DPP10: variants seen among roughly 807,000 people sequenced by gnomAD.
DPP10 encodes the protein inactive dipeptidyl peptidase 10.
Under a neutral mutation model 120.9 loss-of-function variants are expected in DPP10, and 33 were observed. That is an observed-to-expected ratio of 0.27 (90% CI 0.21 to 0.37). The LOEUF is 0.37. Among genes scored for constraint, DPP10 ranks in the 10% least tolerant of loss-of-function variants. DPP10 has a pLI of 1.00. For missense variants in DPP10, 816 were observed against 942.8 expected (o/e 0.87, Z 1.76); for synonymous variants, 337 against 326.1 (o/e 1.03, Z -0.36).
chr2:115,642,210 C>T (rs559477424), intron 5 of DPP10, among the ~76,000 whole-genome samples: 4 of 151,842 alleles, frequency 2.6e-5, no homozygotes, highest in South Asian at 2.1e-4. Flanking sequence ...CTTAAAACAC[C>T]GAGATGGTTA....
At chr2:114,635,738 G>A (rs1573849371) in intron 1 of DPP10, among the ~76,000 whole-genome samples, 1 of 151,912 alleles carries the variant, frequency 6.6e-6, no homozygotes, top group East Asian at 1.9e-4. Flanking sequence ...ACTTTTTATT[G>A]ATGTGAGTTA....
chr2:115,343,258 T>C (rs1236313130), intron 2 of DPP10, among the ~76,000 whole-genome samples: 1 of 152,184 alleles, frequency 6.6e-6, no homozygotes. Context: ...TATTCTAGTA[T>C]TTTATTATTT....
At chr2:115,015,213 A>G (rs923887956) in intron 1 of DPP10, among the ~76,000 whole-genome samples, 2 of 152,234 alleles carry the variant, frequency 1.3e-5, no homozygotes, top group Non-Finnish European at 2.9e-5. Flanking sequence ...AAATCAGTAA[A>G]CGTAACCCAT....
At chr2:114,543,191 T>C (rs1687087374) in intron 1 of DPP10, among the ~76,000 whole-genome samples, 1 of 152,242 alleles carries the variant, frequency 6.6e-6, no homozygotes, top group Admixed American at 6.5e-5. Context: ...GGTATCATTA[T>C]AATTTTCCTT....
intron 1 of DPP10, among the ~76,000 whole-genome samples, chr2:114,913,280 A>G (rs919346838): frequency 6.6e-6 from 1 of 152,084 alleles, no homozygotes; most frequent in Non-Finnish European, 1.5e-5. Context: ...TTTCAAATGG[A>G]TACATGCACA....
intron 1 of DPP10, among the ~76,000 whole-genome samples, chr2:115,015,090 C>T (rs1327824386): frequency 5.3e-5 from 8 of 151,966 alleles, no homozygotes; most frequent in South Asian, 4.1e-4. Context: ...AACATCGATG[C>T]GAAAATCCTT....
chr2:114,585,156 T>C (rs973881573), intron 1 of DPP10, among the ~76,000 whole-genome samples: 11 of 152,066 alleles, frequency 7.2e-5, no homozygotes, highest in Non-Finnish European at 1.3e-4. Context: ...GAGAATATCA[T>C]ATGACCTACA....
intron 1 of DPP10, among the ~76,000 whole-genome samples, chr2:114,932,383 A>T (rs543434211): frequency 2.0e-5 from 3 of 152,242 alleles, no homozygotes. Flanking sequence ...CTTTATATAC[A>T]TCATGGCCCA....
intron 12 of DPP10, 108 bp from the exon 13 acceptor site, chr2:115,768,189 C>T (rs972046162): frequency 7.8e-6 from 7 of 899,566 alleles, no homozygotes; most frequent in South Asian, 4.4e-5. Context: ...ATTTTCCTAA[C>T]TAATTATAAA....
intron 1 of DPP10, among the ~76,000 whole-genome samples, chr2:114,908,397 T>C (rs200995029): frequency 6.6e-6 from 1 of 151,976 alleles, no homozygotes; most frequent in Non-Finnish European, 1.5e-5. Flanking sequence ...TCCCCCATAC[T>C]ATTTTTTCAT....
rs2048773445 is a variant in DPP10 at position 115,103,101 on chromosome 2, A to C, written c.61-206138A>C. On this transcript the variant is annotated intron_variant, in intron 1 of 25. Coordinates refer to ENST00000410059, the MANE Select transcript of DPP10 (RefSeq NM_020868.6). ...TAAAACAGAAATAACTTAATACATA[A>C]AAATCTCATCTCTCTCTTACAACAG... Among the ~76,000 whole-genome samples, 2 of 152,190 alleles carry C rather than the reference A, an allele frequency of 1.3e-5. 1 individual carries two copies. The highest frequency in any genetic ancestry group is 1.3e-4 in the Admixed American group (2 of 15,286).
chr2:115,646,857 T>A (rs1254305174), intron 5 of DPP10, among the ~76,000 whole-genome samples: 1 of 148,348 alleles, frequency 6.7e-6, no homozygotes, highest in Non-Finnish European at 1.5e-5. Context: ...AACGTCACTC[T>A]CTAACGCTGT....
rs1001379807 is a variant in DPP10 at position 115,505,383 on chromosome 2, A to T, written c.366+5779A>T. Among the ~76,000 whole-genome samples, 5 of 152,136 alleles carry T rather than the reference A, an allele frequency of 3.3e-5. No homozygotes were observed. The South Asian group carries it at 1.0e-3, about 31-fold the overall frequency. ...GGTTCAATCTTGTCTGACAGAGCCT[A>T]TTAGATATATGTGATAAAAGGATTA... is the stretch of plus-strand genomic sequence containing the variant. On this transcript the variant is annotated intron_variant, in intron 4 of 25. Coordinates refer to ENST00000410059, the MANE Select transcript of DPP10 (RefSeq NM_020868.6).
At chr2:114,525,047 G>C (rs530004182) in intron 1 of DPP10, among the ~76,000 whole-genome samples, 1 of 152,242 alleles carries the variant, frequency 6.6e-6, no homozygotes, top group Non-Finnish European at 1.5e-5. Flanking sequence ...TGTGTGGAAG[G>C]CTTGCCAGTA....
At chr2:115,309,733 T>C (rs2061504118) in intron 2 of DPP10, among the ~76,000 whole-genome samples, 1 of 152,026 alleles carries the variant, frequency 6.6e-6, no homozygotes, top group Non-Finnish European at 1.5e-5. Context: ...AACCCAACTG[T>C]ATGGAAATGG....
intron 8 of DPP10, among the ~76,000 whole-genome samples, chr2:115,735,397 A>C (rs561572679): frequency 3.6e-4 from 55 of 152,144 alleles, no homozygotes; most frequent in Non-Finnish European, 6.0e-4. Context: ...TAGTAATTAC[A>C]GTTGCCTTCT....
chr2:115,681,219 A>C (rs2149473816), intron 5 of DPP10, among the ~76,000 whole-genome samples: 1 of 152,064 alleles, frequency 6.6e-6, no homozygotes, highest in South Asian at 2.1e-4. Context: ...ATATATCCTA[A>C]GCGTATGCAA....
At position 115,334,725 on chromosome 2, in the gene DPP10, C is replaced by T. The variant is rs1371765844; in HGVS notation, c.176-9092C>T. On this transcript the variant is annotated intron_variant, in intron 2 of 25. Coordinates refer to ENST00000410059, the MANE Select transcript of DPP10 (RefSeq NM_020868.6). ...AGAATGAAAAATATTTTTTGTTTGT[C>T]TGAAAGTGAATAATGTGAAGGTGCT... Among the ~76,000 whole-genome samples, 2 of 151,846 alleles carry T rather than the reference C, an allele frequency of 1.3e-5. 1 individual carries two copies. Among genetic ancestry groups the T allele is most frequent in the South Asian group, 4.2e-4 (2 of 4,818 alleles).
chr2:115,763,562 G>T (rs1680358269), intron 12 of DPP10, among the ~76,000 whole-genome samples: 2 of 151,914 alleles, frequency 1.3e-5, no homozygotes, highest in Non-Finnish European at 1.5e-5. Flanking sequence ...TAATTAATAT[G>T]TACAGATTTT....
Sources: allele counts gnomAD v4.1 joint callset (sites outside exome capture counted in the v4.1 genomes callset), GRCh38; gene constraint gnomAD v4.1.1; transcripts MANE v1.5; gene names NCBI Gene and HGNC (gene_info 2026-07-23, HGNC 2026-07-21).